HAUS7: variants seen among roughly 807,000 people sequenced by gnomAD.
HAUS7 encodes HAUS augmin-like complex subunit 7.
A neutral mutation model predicts 28.4 loss-of-function variants in HAUS7; 3 were observed. The ratio of observed to expected loss-of-function variants is 0.11; its 90% CI spans 0.05 to 0.27. The LOEUF (loss-of-function observed/expected upper bound fraction) is 0.27. Ranked by LOEUF, HAUS7 falls within the 10% of genes least tolerant of loss-of-function variation. The pLI is 1.00. For missense variants in HAUS7, 284 were observed against 297.3 expected (o/e 0.96, Z 0.33); for synonymous variants, 165 against 132.1 (o/e 1.25, Z -1.71).
At chrX:153,449,303 T>C (rs782113704) in intron 9 of HAUS7, among the ~76,000 whole-genome samples, 3 of 112,331 alleles carry the variant, frequency 2.7e-5, no homozygotes, top group South Asian at 3.7e-4. Flanking sequence ...AGCTCAGGAA[T>C]CCTGGGGTGT....
At position 153,450,520 on chromosome X, in the gene HAUS7, G is replaced by A. The variant is rs191127736; in HGVS notation, c.1046-2611C>T. Among the ~76,000 whole-genome samples, 29 of 112,381 alleles carry A rather than the reference G, an allele frequency of 2.6e-4. No homozygotes were observed. In the East Asian group the frequency reaches 5.3e-3, roughly 21 times the overall value. On this transcript the variant is annotated intron_variant, in intron 9 of 9. Coordinates refer to ENST00000370211, the MANE Select transcript of HAUS7 (RefSeq NM_001385482.1). The stretch of plus-strand genomic sequence containing the variant: ...GCCCGCTGAGCCCGTCACCACTGCC[G>A]GGGTTGGTGGCATCTCTCCACTGTT...
chrX:153,456,818 AT>A, intron 5 of HAUS7, 167 bp from the exon 6 acceptor site: 1 of 461,347 alleles, frequency 2.2e-6, no homozygotes, highest in East Asian at 3.7e-5. Context: ...TGGCTCCTCC[AT>A]TTTTGCCCGC....
chrX:153,455,016 G>GT (rs782612560), intron 8 of HAUS7: 2 of 1,023,033 alleles, frequency 2.0e-6, no homozygotes, highest in Non-Finnish European at 2.6e-6. Flanking sequence ...TGTAGTCATC[G>GT]TAACTAAAGC....
At chrX:153,491,246 C>T (rs987241926) in intron 1 of HAUS7, among the ~76,000 whole-genome samples, 29 of 112,084 alleles carry the variant, frequency 2.6e-4, no homozygotes, top group African/African-American at 8.8e-4. Context: ...CTCCTAGGCT[C>T]TGCCCTCTAG....
chrX:153,478,741 C>T (rs1556986763), intron 1 of HAUS7, among the ~76,000 whole-genome samples: 2 of 113,155 alleles, frequency 1.8e-5, no homozygotes, highest in Non-Finnish European at 3.7e-5. Context: ...GCCGCCTGCA[C>T]TGTGCCCACA....
At chrX:153,468,424 G>A (rs2089480191) in intron 2 of HAUS7, among the ~76,000 whole-genome samples, 1 of 112,695 alleles carries the variant, frequency 8.9e-6, no homozygotes, top group South Asian at 3.6e-4. Flanking sequence ...TCTGTGGGAG[G>A]CGGGGAAAGC....
At chrX:153,487,225 GTCCCAAGCCA>G (rs2124189289) in intron 1 of HAUS7, 1 of 167,022 alleles carries the variant, frequency 6.0e-6, no homozygotes, top group African/African-American at 3.1e-5. Flanking sequence ...TCCTTGCTCG[GTCCCAAGCCA>G]TCAAGAGGCC....
upstream of HAUS7, among the ~76,000 whole-genome samples, chrX:153,473,942 C>T (rs781907516): frequency 4.4e-5 from 5 of 112,596 alleles, 1 homozygote; most frequent in South Asian, 1.8e-3. Context: ...TTGCGGGCAG[C>T]CCACGCCATC....
intron 1 of HAUS7, chrX:153,483,233 A>G (rs782510611): frequency 1.5e-6 from 1 of 656,458 alleles, no homozygotes; most frequent in East Asian, 1.6e-4. Flanking sequence ...GCACAGCCAG[A>G]GTTGGAGCCT....
Position 153,455,724 on chromosome X carries a change from C to T in HAUS7, c.748G>A (p.Asp250Asn), listed in dbSNP as rs782514003. 1.2e-5 allele frequency: 15 copies of T among 1,200,409 alleles called. No individual in the cohort carries two copies. Among genetic ancestry groups the T allele is most frequent in the African/African-American group, 7.0e-5 (4 of 57,142 alleles). Reference protein sequence around the residue: ...HEQGAAAGAADISTLDQKLRL... With the variant: ...HEQGAAAGAANISTLDQKLRL... ...AGCTTCTGGTCTAGGGTGCTGATGT[C>T]GGCTGCGCCCGCAGCAGCCCCTTGC... Residue 250 changes from aspartate to asparagine, a missense_variant, in exon 8 of 10, where the codon GAC becomes AAC. Coordinates refer to ENST00000370211, the MANE Select transcript of HAUS7 (RefSeq NM_001385482.1).
chrX:153,491,872 G>A (rs1556989680), intron 1 of HAUS7, among the ~76,000 whole-genome samples: 1 of 113,251 alleles, frequency 8.8e-6, no homozygotes, highest in Non-Finnish European at 1.9e-5. Context: ...TGGGATGCAA[G>A]GCAAGGCTGG....
chrX:153,485,291 T>C (rs1479765409), intron 1 of HAUS7, among the ~76,000 whole-genome samples: 1 of 108,343 alleles, frequency 9.2e-6, no homozygotes, highest in East Asian at 2.9e-4. Context: ...GGCAGGAGAG[T>C]GGAAGGGACA....
intron 9 of HAUS7, among the ~76,000 whole-genome samples, 184 bp from the exon 10 acceptor site, chrX:153,448,093 C>A (rs1376264261): frequency 9.1e-6 from 1 of 109,823 alleles, no homozygotes; most frequent in Admixed American, 9.7e-5. Flanking sequence ...CACATGCACA[C>A]GTATGTTTAT....
At chrX:153,486,026 C>T in intron 1 of HAUS7, 1 of 975,015 alleles carries the variant, frequency 1.0e-6, no homozygotes, top group Non-Finnish European at 1.3e-6. Context: ...TAACCAGGTG[C>T]AGGCCATCCC....
intron 2 of HAUS7, among the ~76,000 whole-genome samples, chrX:153,466,471 G>A (rs781810397): frequency 2.3e-3 from 257 of 112,243 alleles, no homozygotes; most frequent in African/African-American, 7.8e-3. Context: ...CACAATCCAG[G>A]GGGCTCCATG....
In HAUS7 at chrX:153,454,374, C is replaced by T. The variant is rs199738769; in HGVS notation, c.1045+20G>A. The T allele has an allele frequency of 1.7e-4, 164 of 962,014 alleles. No homozygotes were observed. The highest frequency in any genetic ancestry group is 1.8e-4 in the Non-Finnish European group (118 of 669,131). 79.3% of individuals were successfully genotyped at this position (962,014 alleles called of 1,213,427 possible). On this transcript the variant is annotated intron_variant, in intron 9 of 9. Transcript: ENST00000370211. Reference sequence around the variant, plus strand: ...GCGTGGGGCAGCCCCAGGCAGAGGGCCAGGTGGGCAGCCACGTACCTAGAC... The same window carrying T: ...GCGTGGGGCAGCCCCAGGCAGAGGGTCAGGTGGGCAGCCACGTACCTAGAC...
chrX:153,478,825 C>A (rs1035913987), intron 1 of HAUS7, among the ~76,000 whole-genome samples: 1 of 112,697 alleles, frequency 8.9e-6, no homozygotes, highest in Non-Finnish European at 1.9e-5. Flanking sequence ...TTGGCACCCA[C>A]CCCCTCTCCT....
chrX:153,455,138 C>A, intron 8 of HAUS7: 1 of 520,910 alleles, frequency 1.9e-6, no homozygotes, highest in African/African-American at 2.4e-5. Flanking sequence ...GGCAGACAGG[C>A]AGGCATTTGT....
chrX:153,461,390 A>G (rs1272603973), intron 4 of HAUS7, among the ~76,000 whole-genome samples: 1 of 110,473 alleles, frequency 9.1e-6, no homozygotes, highest in Non-Finnish European at 1.9e-5. Context: ...TGTCGTGTCC[A>G]TGGCGGGAGA....
Sources: gnomAD v4.1 joint callset for allele counts (sites outside exome capture counted in the v4.1 genomes callset) on GRCh38, gnomAD v4.1.1 for gene constraint, MANE v1.5 for transcripts, NCBI Gene and HGNC (gene_info 2026-07-23, HGNC 2026-07-21) for gene names.